ITGA11: variants seen among roughly 807,000 people sequenced by gnomAD.
The protein encoded by ITGA11 is integrin alpha-11.
In ITGA11, 97 loss-of-function variants were observed where a neutral mutation model predicts 141.9. The ratio of observed to expected loss-of-function variants is 0.68; its 90% CI spans 0.58 to 0.81. The LOEUF is 0.81. Among genes scored for constraint, ITGA11 ranks in the 30% least tolerant of loss-of-function variants. The pLI is 0.00. For missense variants in ITGA11, 1,387 were observed against 1,559.2 expected (o/e 0.89, Z 1.86); for synonymous variants, 658 against 624.6 (o/e 1.05, Z -0.80).
chr15:68,390,490 G>C (rs559764554), intron 2 of ITGA11, among the ~76,000 whole-genome samples: 6 of 152,092 alleles, frequency 3.9e-5, no homozygotes, highest in African/African-American at 1.2e-4. Context: ...CGGATCCTTG[G>C]GGGGTTACAG....
At chr15:68,310,926 G>A in intron 26 of ITGA11, 68 bp downstream of exon 26, 2 of 1,212,034 alleles carry the variant, frequency 1.7e-6, no homozygotes, top group Non-Finnish European at 2.4e-6. Context: ...GAGGGAAATG[G>A]CCCGCAGAGC....
chr15:68,319,705 G>A (rs953945776), intron 20 of ITGA11, among the ~76,000 whole-genome samples: 5 of 152,168 alleles, frequency 3.3e-5, no homozygotes, highest in Admixed American at 1.3e-4. Flanking sequence ...TGGCACATGC[G>A]TGGTGTGTGT....
chr15:68,384,892 A>T (rs987105424), intron 2 of ITGA11, among the ~76,000 whole-genome samples: 3 of 152,194 alleles, frequency 2.0e-5, no homozygotes, highest in African/African-American at 7.2e-5. Flanking sequence ...GGCAGCCTGC[A>T]CTGTCACTGA....
In ITGA11 at chr15:68,317,490, A is replaced by G. The variant is rs954642028; in HGVS notation, c.2617-127T>C. On this transcript the variant is annotated intron_variant, in intron 20 of 29. Transcript: ENST00000315757. ...GCCTCAGCCCCTGATACCCATATGAAAGCCTGGACCACAGCCCTTCTGATG... is the reference window on the plus strand; with the variant it reads ...GCCTCAGCCCCTGATACCCATATGAGAGCCTGGACCACAGCCCTTCTGATG... 3.4e-5 allele frequency: 24 copies of G among 701,662 alleles called. No homozygotes were observed. In the East Asian group the frequency reaches 6.0e-4, roughly 18 times the overall value. 43.5% of individuals were successfully genotyped at this position (701,662 alleles called of 1,614,324 possible).
intron 15 of ITGA11, among the ~76,000 whole-genome samples, chr15:68,330,632 T>A (rs1275888449): frequency 1.3e-5 from 2 of 152,166 alleles, no homozygotes; most frequent in Admixed American, 1.3e-4. Context: ...TAAACATTCC[T>A]CCACGCCAGG....
rs1239460442 is a variant in ITGA11 at position 68,300,519 on chromosome 15, T to A, written c.*2540A>T. 1 of 152,254 alleles carries A rather than the reference T, an allele frequency of 6.6e-6. No individual in the cohort carries two copies. Among genetic ancestry groups the A allele is most frequent in the Non-Finnish European group, 1.5e-5 (1 of 68,050 alleles). 9.4% of individuals were successfully genotyped at this position (152,254 alleles called of 1,614,324 possible). A position where few individuals can be genotyped will look rare whatever the true frequency, so the allele number is the denominator to read the frequency against. ...GAGAAACACTGCGTTAGCATAGACT[T>A]TGCTCCCTATAAGATGCATCTTTGT... is the stretch of plus-strand genomic sequence containing the variant. On this transcript the variant is annotated 3_prime_UTR_variant, in exon 30 of 30. Transcript: ENST00000315757.
At chr15:68,332,942 G>A (rs1217431965) in intron 12 of ITGA11, among the ~76,000 whole-genome samples, 11 of 152,014 alleles carry the variant, frequency 7.2e-5, no homozygotes, top group Admixed American at 5.2e-4. Context: ...GGGTAATAAG[G>A]CAAATATAGT....
At position 68,332,434 on chromosome 15, in the gene ITGA11, G is replaced by A. The variant is rs745666911; in HGVS notation, c.1470C>T (p.Asp490=). Residue 490 remains aspartate, a synonymous_variant, in exon 13 of 30, where the codon GAC becomes GAT. Transcript: ENST00000315757. ...FGSEITSVDI[D]GDGVTDVLLV... ...GCAGGACATCAGTCACGCCGTCGCC[G>A]TCGATGTCCACCGAGGTGATTTCAC... 26 of 1,611,670 alleles carry A rather than the reference G, an allele frequency of 1.6e-5. No homozygotes were observed. Among genetic ancestry groups the A allele is most frequent in the African/African-American group, 1.5e-4 (11 of 74,882 alleles).
In ITGA11 at chr15:68,335,405, A is replaced by C. The variant is rs1006160809; in HGVS notation, c.1425+292T>G. On this transcript the variant is annotated intron_variant, in intron 12 of 29. Coordinates refer to ENST00000315757, the MANE Select transcript of ITGA11 (RefSeq NM_001004439.2). This position sits in a 1 kb window ranked among gnomAD's most constrained non-coding sequence, Gnocchi z 4.9. ...TGTCCACCACAGGACTCTTGGCAGC[A>C]CAGTCTGGTTGCCAACCACCTCCCT... 6.6e-6 allele frequency among the ~76,000 whole-genome samples: 1 copy of C among 152,210 alleles called. No individual in the cohort carries two copies. Among genetic ancestry groups the C allele is most frequent in the Admixed American group, 6.5e-5 (1 of 15,286 alleles).
At position 68,332,000 on chromosome 15, in the gene ITGA11, C is replaced by T; in HGVS notation, c.1629G>A (p.Gly543=). The change falls in exon 14 of 30, where the codon GGG becomes GGA. Residue 543 remains glycine, a synonymous_variant. Transcript: ENST00000315757. ...DSHSYQNARF[G]SSIASVRDLN... ...GGTCTCGAACTGAGGCAATGGAGGA[C>T]CCAAATCGGGCATTCTGGTAACTGT... The T allele has an allele frequency of 1.2e-6, 2 of 1,612,278 alleles. No homozygotes were observed. Among genetic ancestry groups the T allele is most frequent in the South Asian group, 1.1e-5 (1 of 90,512 alleles).
rs1355206149 is a variant in ITGA11, at chr15:68,427,190, G to A, written c.52+4825C>T. On this transcript the variant is annotated intron_variant, in intron 1 of 29. Coordinates refer to ENST00000315757, the MANE Select transcript of ITGA11 (RefSeq NM_001004439.2). ...TGCAACTGTAGCAAGGCCTTATTGA[G>A]ATGTGAGAAAGTGCTTGACACAGTG... is the stretch of plus-strand genomic sequence containing the variant. Among the ~76,000 whole-genome samples the A allele has an allele frequency of 2.0e-5, 3 of 152,144 alleles. No homozygotes were observed. The East Asian group carries it at 5.8e-4, about 29-fold the overall frequency.
chr15:68,372,378 G>C (rs1234387220), intron 2 of ITGA11, among the ~76,000 whole-genome samples: 1 of 152,096 alleles, frequency 6.6e-6, no homozygotes, highest in African/African-American at 2.4e-5. Context: ...CTCAGGGCCT[G>C]CTACGCCTCT....
chr15:68,365,834 C>T (rs909657744), intron 3 of ITGA11, among the ~76,000 whole-genome samples: 1 of 151,824 alleles, frequency 6.6e-6, no homozygotes, highest in African/African-American at 2.4e-5. Context: ...CTCCCAGGTT[C>T]GAGCAATGGG....
intron 2 of ITGA11, 66 bp from the exon 3 acceptor site, chr15:68,369,350 C>T (rs1290412840): frequency 5.0e-6 from 3 of 600,458 alleles, no homozygotes; most frequent in African/African-American, 2.0e-5. Context: ...GAGGATGGAG[C>T]CTGGTGGGCA....
chr15:68,311,178 C>A, intron 25 of ITGA11, 98 bp from the exon 26 acceptor site: 1 of 1,278,900 alleles, frequency 7.8e-7, no homozygotes, highest in Non-Finnish European at 1.1e-6. Context: ...CCTCCTCTAG[C>A]CGTGGTCCTG....
rs368332270 is a variant in ITGA11, at chr15:68,326,822, A to T, written c.2069-26T>A. On this transcript the variant is annotated intron_variant, in intron 16 of 29. Transcript: ENST00000315757. This position sits in a 1 kb window ranked among gnomAD's most constrained non-coding sequence, Gnocchi z 6.8. The stretch of plus-strand genomic sequence containing the variant: ...CTGCAGGAGGGGAGAGGGCAAGACC[A>T]CAAAGGTGGAGCCACATGCCCATCC... The T allele has an allele frequency of 6.4e-7, 1 of 1,563,084 alleles. No individual in the cohort carries two copies. The highest frequency in any genetic ancestry group is 8.7e-7 in the Non-Finnish European group (1 of 1,153,148).
Position 68,325,330 on chromosome 15 carries a change from C to A in ITGA11, c.2212-89G>T. 1.1e-6 allele frequency: 1 copy of A among 896,532 alleles called. No individual in the cohort carries two copies. The highest frequency in any genetic ancestry group is 1.4e-5 in the South Asian group (1 of 71,080). The allele number at this position is 896,532 out of a possible 1,614,324, so 55.5% of individuals were successfully genotyped here. ...GTGGATGCTGAGATAGAACTTCCAC[C>A]TTCCTTAGATGGCAGGGCAGCTGCC... On this transcript the variant is annotated intron_variant, in intron 17 of 29. Transcript: ENST00000315757. The surrounding 1 kb of genome is among the most constrained non-coding windows in gnomAD (Gnocchi z 5.5).
rs1408015844 is a variant in ITGA11, at chr15:68,325,311, G to A, written c.2212-70C>T. The A allele has an allele frequency of 9.3e-7, 1 of 1,069,762 alleles. No homozygotes were observed. The highest frequency in any genetic ancestry group is 1.4e-6 in the Non-Finnish European group (1 of 691,260). 66.3% of individuals were successfully genotyped at this position (1,069,762 alleles called of 1,614,324 possible). ...CATTTTATGAGCCAGGACCGTGGAT[G>A]CTGAGATAGAACTTCCACCTTCCTT... is the stretch of plus-strand genomic sequence containing the variant. On this transcript the variant is annotated intron_variant, in intron 17 of 29. Transcript: ENST00000315757. This position sits in a 1 kb window ranked among gnomAD's most constrained non-coding sequence, Gnocchi z 5.5.
intron 1 of ITGA11, among the ~76,000 whole-genome samples, chr15:68,430,934 C>G (rs1197974602): frequency 6.6e-6 from 1 of 152,246 alleles, no homozygotes; most frequent in Non-Finnish European, 1.5e-5. Context: ...ACCTGAGCTC[C>G]CTGAGGGCAC....
Sources: allele counts gnomAD v4.1 joint callset (sites outside exome capture counted in the v4.1 genomes callset), GRCh38; gene constraint gnomAD v4.1.1; non-coding constraint Gnocchi (gnomAD v3.1); transcripts MANE v1.5; gene names NCBI Gene and HGNC (gene_info 2026-07-23, HGNC 2026-07-21).